Variants in ASTN1 observed in about 807,000 individuals in gnomAD.
The protein encoded by ASTN1 is astrotactin 1.
A neutral mutation model predicts 140.7 loss-of-function variants in ASTN1; 41 were observed. The observed-to-expected ratio is 0.29, with a 90% CI of 0.23 to 0.38. ASTN1 has a LOEUF of 0.38. ASTN1 is among the 10% of genes least tolerant of loss of function. The pLI is 1.00. For missense variants in ASTN1, 1,479 were observed against 1,678.8 expected (o/e 0.88, Z 2.08); for synonymous variants, 640 against 652.2 (o/e 0.98, Z 0.29).
At chr1:177,145,333 C>G (rs1682673798) in intron 1 of ASTN1, among the ~76,000 whole-genome samples, 2 of 152,142 alleles carry the variant, frequency 1.3e-5, no homozygotes, top group Admixed American at 1.3e-4. Context: ...ATTGGTCTCC[C>G]CTGTGACCTT....
intron 8 of ASTN1, among the ~76,000 whole-genome samples, chr1:177,008,711 T>C (rs1675132018): frequency 6.7e-6 from 1 of 149,930 alleles, no homozygotes; most frequent in Non-Finnish European, 1.5e-5. Context: ...TAGCAATAAG[T>C]GATAATGATG....
At chr1:177,004,253 C>A (rs1674882868) in intron 8 of ASTN1, among the ~76,000 whole-genome samples, 1 of 151,834 alleles carries the variant, frequency 6.6e-6, no homozygotes, top group South Asian at 2.1e-4. Context: ...TAGGAAAATA[C>A]TTAACCAAGG....
chr1:176,887,216 T>A (rs1040551054), intron 18 of ASTN1, among the ~76,000 whole-genome samples: 1 of 152,202 alleles, frequency 6.6e-6, no homozygotes, highest in South Asian at 2.1e-4. Context: ...TCTCTAGTAT[T>A]TACTTTTTTG....
intron 1 of ASTN1, among the ~76,000 whole-genome samples, chr1:177,130,383 GAAC>G (rs1044046726): frequency 3.3e-5 from 5 of 152,080 alleles, no homozygotes; most frequent in Admixed American, 1.3e-4. Context: ...GGCTTGAAAT[GAAC>G]AACAACAAAG....
intron 1 of ASTN1, among the ~76,000 whole-genome samples, chr1:177,061,645 AG>A (rs1678098706): frequency 6.6e-6 from 1 of 152,196 alleles, no homozygotes; most frequent in Admixed American, 6.5e-5. Context: ...TGAAAGTATG[AG>A]TTCCCCAGCA....
intron 18 of ASTN1, among the ~76,000 whole-genome samples, chr1:176,887,757 G>A (rs1038775800): frequency 6.6e-6 from 1 of 151,826 alleles, no homozygotes; most frequent in African/African-American, 2.4e-5. Flanking sequence ...TTCTAGTTAT[G>A]CTGTCCTACT....
At chr1:176,923,218 G>T (rs571282553) in intron 16 of ASTN1, among the ~76,000 whole-genome samples, 1 of 152,334 alleles carries the variant, frequency 6.6e-6, no homozygotes, top group East Asian at 1.9e-4. Flanking sequence ...TTAAGTGGTT[G>T]CATTCCCTTA....
chr1:176,974,966 A>T (rs1673301791), intron 8 of ASTN1, among the ~76,000 whole-genome samples: 1 of 152,152 alleles, frequency 6.6e-6, no homozygotes, highest in Non-Finnish European at 1.5e-5. Context: ...AGGCATCCAT[A>T]CCTTGACTCC....
At chr1:177,121,194 A>G (rs766228194) in intron 1 of ASTN1, among the ~76,000 whole-genome samples, 1 of 152,108 alleles carries the variant, frequency 6.6e-6, no homozygotes, top group Admixed American at 6.5e-5. Context: ...TATCATCATA[A>G]TCCTACACAG....
chr1:177,147,023 A>G (rs1188613612), intron 1 of ASTN1, among the ~76,000 whole-genome samples: 1 of 152,050 alleles, frequency 6.6e-6, no homozygotes, highest in Non-Finnish European at 1.5e-5. Flanking sequence ...TTATTCTTAA[A>G]TGAAACTGGA....
chr1:176,857,710 T>TACAGA (rs1293219409), downstream of ASTN1: 6 of 492,008 alleles, frequency 1.2e-5, no homozygotes, highest in African/African-American at 1.0e-4. Flanking sequence ...CACTATGTGA[T>TACAGA]ACAGAACAGA....
intron 1 of ASTN1, among the ~76,000 whole-genome samples, chr1:177,112,110 T>C (rs1680849804): frequency 6.6e-6 from 1 of 152,320 alleles, no homozygotes. Context: ...ATATGTGCAA[T>C]CTGGGTTCCA....
intron 2 of ASTN1, among the ~76,000 whole-genome samples, chr1:177,043,530 A>G (rs1677072839): frequency 6.6e-6 from 1 of 152,264 alleles, no homozygotes; most frequent in Non-Finnish European, 1.5e-5. Flanking sequence ...CTTTGTGCTC[A>G]TAAGCTTCCT....
In ASTN1 at chr1:176,861,741, C is replaced by G; in HGVS notation, c.*2543G>C. On this transcript the variant is annotated 3_prime_UTR_variant, in exon 23 of 23. Coordinates refer to ENST00000361833, the MANE Select transcript of ASTN1 (RefSeq NM_004319.3). ...TCAGTGGGGAGAACTCAACGAGAAA[C>G]AGGAGGAAGAAAGTCTTGGGGAAAG... The G allele has an allele frequency of 1.0e-6, 1 of 984,918 alleles. No individual in the cohort carries two copies. Among genetic ancestry groups the G allele is most frequent in the Non-Finnish European group, 1.2e-6 (1 of 829,926 alleles). The allele number at this position is 984,918 out of a possible 1,614,324, so 61.0% of individuals were successfully genotyped here. A position where few individuals can be genotyped will look rare whatever the true frequency, so the allele number is the denominator to read the frequency against.
intron 16 of ASTN1, among the ~76,000 whole-genome samples, chr1:176,900,241 C>T (rs981628072): frequency 6.6e-6 from 1 of 152,160 alleles, no homozygotes; most frequent in Admixed American, 6.5e-5. Context: ...GGATCTCTCC[C>T]ACAAGTAACA....
chr1:177,112,716 C>T (rs537260624), intron 1 of ASTN1, among the ~76,000 whole-genome samples: 1 of 152,332 alleles, frequency 6.6e-6, no homozygotes, highest in East Asian at 1.9e-4. Context: ...GCAGCGCAGA[C>T]ATCCCCCATT....
In ASTN1 at chr1:177,098,136, G is replaced by T. The variant is rs546761626; in HGVS notation, c.284-36871C>A. Among the ~76,000 whole-genome samples, 5 of 152,298 alleles carry T rather than the reference G, an allele frequency of 3.3e-5. No homozygotes were observed. The South Asian group carries it at 1.0e-3, about 32-fold the overall frequency. On this transcript the variant is annotated intron_variant, in intron 1 of 22. Coordinates refer to ENST00000361833, the MANE Select transcript of ASTN1 (RefSeq NM_004319.3). The stretch of plus-strand genomic sequence containing the variant: ...CCACTCTCAAATTTACAGGCATTTG[G>T]TCAGAAGTATGAGTAGCCTGGACTT...
intron 1 of ASTN1, among the ~76,000 whole-genome samples, chr1:177,151,883 T>C (rs1264236808): frequency 6.6e-6 from 1 of 151,934 alleles, no homozygotes; most frequent in Non-Finnish European, 1.5e-5. Flanking sequence ...AAAAAGGAAA[T>C]AGCCACTCCT....
chr1:176,895,922 C>T (rs962615882), intron 16 of ASTN1, among the ~76,000 whole-genome samples: 3 of 152,174 alleles, frequency 2.0e-5, no homozygotes, highest in Non-Finnish European at 2.9e-5. Flanking sequence ...AGCTTTTGGA[C>T]ATCCTGGATA....
Sources: allele counts gnomAD v4.1 joint callset (sites outside exome capture counted in the v4.1 genomes callset), GRCh38; gene constraint gnomAD v4.1.1; transcripts MANE v1.5; gene names NCBI Gene and HGNC (gene_info 2026-07-23, HGNC 2026-07-21).